Variants in SIPA1L1 observed in about 807,000 individuals in gnomAD.
SIPA1L1 encodes the protein signal-induced proliferation-associated 1-like protein 1.
SIPA1L1 carries 26 observed loss-of-function variants against 162.7 expected under a neutral mutation model. The observed-to-expected ratio is 0.16, with a 90% CI of 0.12 to 0.22. SIPA1L1 has a LOEUF of 0.22. Among genes scored for constraint, SIPA1L1 ranks in the 10% least tolerant of loss-of-function variants. SIPA1L1 has a pLI of 1.00. For synonymous variants in SIPA1L1, 829 were observed against 837.4 expected (o/e 0.99, Z 0.17); for missense variants, 1,874 against 2,241.0 (o/e 0.84, Z 3.31).
At chr14:71,584,895 G>A (rs2034390290) in intron 4 of SIPA1L1, among the ~76,000 whole-genome samples, 1 of 152,124 alleles carries the variant, frequency 6.6e-6, no homozygotes, top group African/African-American at 2.4e-5. Context: ...TGGTACTTAG[G>A]CAGGTTTGCT....
At chr14:71,578,426 A>G (rs530875136) in intron 4 of SIPA1L1, among the ~76,000 whole-genome samples, 2 of 152,202 alleles carry the variant, frequency 1.3e-5, no homozygotes, top group East Asian at 3.9e-4. Flanking sequence ...GATACAGTTA[A>G]CCCTTGAATA....
At chr14:71,532,469 T>G (rs1200979309) in intron 4 of SIPA1L1, among the ~76,000 whole-genome samples, 2 of 152,250 alleles carry the variant, frequency 1.3e-5, no homozygotes, top group Non-Finnish European at 2.9e-5. Flanking sequence ...GATGAAATGC[T>G]GCCTTTGTGG....
chr14:71,410,053 A>T (rs113258381), intron 2 of SIPA1L1, among the ~76,000 whole-genome samples: 2,676 of 152,196 alleles, frequency 0.018, 31 homozygotes, highest in African/African-American at 0.026. Flanking sequence ...TTCTTGGCTC[A>T]TTATTTATTT....
At chr14:71,395,265 G>A (rs1303879820) in intron 2 of SIPA1L1, among the ~76,000 whole-genome samples, 1 of 152,132 alleles carries the variant, frequency 6.6e-6, no homozygotes, top group Non-Finnish European at 1.5e-5. Flanking sequence ...TCACTGGACC[G>A]GCAGAGTCCA....
At chr14:71,578,836 GTGGCA>G (rs2033504585) in intron 4 of SIPA1L1, among the ~76,000 whole-genome samples, 1 of 152,190 alleles carries the variant, frequency 6.6e-6, no homozygotes, top group Non-Finnish European at 1.5e-5. Flanking sequence ...ACCATCACTA[GTGGCA>G]CTTCATATGG....
At chr14:71,447,810 C>G (rs1360852066) in intron 2 of SIPA1L1, among the ~76,000 whole-genome samples, 2 of 152,060 alleles carry the variant, frequency 1.3e-5, no homozygotes, top group Non-Finnish European at 2.9e-5. Flanking sequence ...CTCTGGCAAT[C>G]CGCCTGCCTC....
intron 20 of SIPA1L1, among the ~76,000 whole-genome samples, chr14:71,731,552 C>G (rs1016423224): frequency 1.3e-5 from 2 of 152,196 alleles, no homozygotes; most frequent in African/African-American, 4.8e-5. Context: ...TCCATTATTC[C>G]TGCCTTACTT....
intron 19 of SIPA1L1, among the ~76,000 whole-genome samples, chr14:71,727,434 G>A (rs1056383058): frequency 6.7e-6 from 1 of 148,172 alleles, no homozygotes; most frequent in Non-Finnish European, 1.5e-5. Context: ...AGCTCAGGAA[G>A]CCTTTTTTTT....
chr14:71,406,434 AC>A (rs560086930), intron 2 of SIPA1L1, among the ~76,000 whole-genome samples: 43 of 152,196 alleles, frequency 2.8e-4, no homozygotes, highest in Non-Finnish European at 5.9e-4. Context: ...AATTTTTATG[AC>A]TTGGGGTCAA....
At chr14:71,335,216 AG>A (rs1265985348) in intron 2 of SIPA1L1, among the ~76,000 whole-genome samples, 1 of 152,046 alleles carries the variant, frequency 6.6e-6, no homozygotes, top group African/African-American at 2.4e-5. Flanking sequence ...AGGAGAATGG[AG>A]TGTGAACCCA....
intron 2 of SIPA1L1, among the ~76,000 whole-genome samples, chr14:71,431,645 G>C (rs540722817): frequency 6.6e-6 from 1 of 152,070 alleles, no homozygotes; most frequent in African/African-American, 2.4e-5. Context: ...AGTGAGCTGT[G>C]ATTGCACCAC....
intron 13 of SIPA1L1, among the ~76,000 whole-genome samples, chr14:71,697,455 AGTT>A (rs1356157627): frequency 6.6e-6 from 1 of 152,214 alleles, no homozygotes; most frequent in African/African-American, 2.4e-5. Flanking sequence ...TGCAGTCACA[AGTT>A]GTCCTGTGAA....
At chr14:71,543,976 C>T (rs28859432) in intron 4 of SIPA1L1, among the ~76,000 whole-genome samples, 23,850 of 148,888 alleles carry the variant, frequency 0.16, 2,496 homozygotes, top group Middle Eastern at 0.34. Context: ...TATATACACA[C>T]ACGCACATGT....
At chr14:71,330,426 A>C (rs1188444148) in intron 2 of SIPA1L1, 2 of 1,509,182 alleles carry the variant, frequency 1.3e-6, no homozygotes, top group African/African-American at 2.7e-5. Flanking sequence ...TCAGGATCTC[A>C]GCAGCCTTGC....
At chr14:71,691,705 TTGATGCC>T (rs1724149132) in intron 13 of SIPA1L1, among the ~76,000 whole-genome samples, 1 of 152,168 alleles carries the variant, frequency 6.6e-6, no homozygotes, top group Non-Finnish European at 1.5e-5. Context: ...TATGTTCCCC[TTGATGCC>T]TTTTTAGGAG....
At chr14:71,681,629 G>A (rs1202617168) in intron 12 of SIPA1L1, among the ~76,000 whole-genome samples, 2 of 152,156 alleles carry the variant, frequency 1.3e-5, no homozygotes, top group African/African-American at 4.8e-5. Context: ...ATTTTTCAGA[G>A]GAGGAGTTTT....
Position 71,588,404 on chromosome 14 carries a change from A to G in SIPA1L1, c.532A>G (p.Ile178Val). 2 of 1,614,148 alleles carry G rather than the reference A, an allele frequency of 1.2e-6. No individual in the cohort carries two copies. The highest frequency in any genetic ancestry group is 1.7e-6 in the Non-Finnish European group (2 of 1,180,004). ...AATACGCCAGCGAAGCAACAGTGAT[A>G]TCACCATAAGTGAACTTGATGTGGA... ...RRIRQRSNSD[I>V]TISELDVDSF... The change falls in exon 5 of 24, where the codon ATC becomes GTC. Residue 178 changes from isoleucine to valine, a missense_variant. By Grantham distance (29) the Ile-to-Val change is conservative. Coordinates refer to ENST00000381232, the MANE Select transcript of SIPA1L1 (RefSeq NM_001386936.1). The surrounding 1 kb of genome is among the most constrained non-coding windows in gnomAD (Gnocchi z 4.3).
At chr14:71,446,812 C>T (rs1273848478) in intron 2 of SIPA1L1, among the ~76,000 whole-genome samples, 1 of 149,162 alleles carries the variant, frequency 6.7e-6, no homozygotes, top group Non-Finnish European at 1.5e-5. Flanking sequence ...GCCTTTTCTT[C>T]ATCTCTCCTT....
intron 3 of SIPA1L1, among the ~76,000 whole-genome samples, chr14:71,521,677 A>G (rs1385500202): frequency 6.6e-6 from 1 of 152,220 alleles, no homozygotes; most frequent in Non-Finnish European, 1.5e-5. Flanking sequence ...CTGGCTGTCT[A>G]CCTAGGTGTG....
Sources: allele counts gnomAD v4.1 joint callset (sites outside exome capture counted in the v4.1 genomes callset), GRCh38; gene constraint gnomAD v4.1.1; non-coding constraint Gnocchi (gnomAD v3.1); transcripts MANE v1.5; gene names NCBI Gene and HGNC (gene_info 2026-07-23, HGNC 2026-07-21).